Variants in SEMA4B observed in about 807,000 individuals in gnomAD.
SEMA4B encodes semaphorin 4B.
A neutral mutation model predicts 88.1 loss-of-function variants in SEMA4B; 55 were observed. The ratio of observed to expected loss-of-function variants is 0.62; its 90% CI spans 0.50 to 0.78. The LOEUF is 0.78. Ranked by LOEUF, SEMA4B falls within the 30% of genes least tolerant of loss-of-function variation. SEMA4B has a pLI of 0.00. For synonymous variants in SEMA4B, 525 were observed against 473.6 expected (o/e 1.11, Z -1.41); for missense variants, 1,062 against 1,111.9 (o/e 0.96, Z 0.64).
intron 1 of SEMA4B, among the ~76,000 whole-genome samples, chr15:90,202,265 C>T (rs1377535395): frequency 6.6e-6 from 1 of 152,264 alleles, no homozygotes; most frequent in East Asian, 1.9e-4. Flanking sequence ...GAGAGACCTC[C>T]AGGCCCTGGG....
upstream of SEMA4B, among the ~76,000 whole-genome samples, chr15:90,197,174 TC>T (rs1433042899): frequency 6.6e-6 from 1 of 151,868 alleles, no homozygotes; most frequent in African/African-American, 2.4e-5. Context: ...ATCGCTTGAG[TC>T]CAGGAGTTTG....
rs918577251 is a variant in SEMA4B at position 90,201,371 on chromosome 15, G to A, written c.-208G>A. The stretch of plus-strand genomic sequence containing the variant: ...TGCCCAAGCCGAGGCTGCGGGGCCG[G>A]CGCCGGCGGGAGGACTGCGGTGCCC... On this transcript the variant is annotated 5_prime_UTR_variant, in exon 1 of 14. Coordinates refer to ENST00000411539, the MANE Select transcript of SEMA4B (RefSeq NM_198925.4). The A allele has an allele frequency of 8.0e-7, 1 of 1,251,160 alleles. No homozygotes were observed. The highest frequency in any genetic ancestry group is 4.3e-5 in the Admixed American group (1 of 23,016). The allele number at this position is 1,251,160 out of a possible 1,614,324, so 77.5% of individuals were successfully genotyped here.
Position 90,228,065 on chromosome 15 carries a change from G to A in SEMA4B, c.1936G>A (p.Val646Met), listed in dbSNP as rs201185892. The change falls in exon 14 of 14, where the codon GTG becomes ATG. Residue 646 changes from valine (V) to methionine (M), a missense_variant. Coordinates refer to ENST00000411539, the MANE Select transcript of SEMA4B (RefSeq NM_198925.4). ...GCTACCCACTGGGGACCTGCTGCTG[G>A]TGGGCACCCAACAGCTGGGGGAGTT... is the stretch of plus-strand genomic sequence containing the variant. The part of the protein sequence containing the change: ...HVLPTGDLLL[V>M]GTQQLGEFQC... The A allele has an allele frequency of 6.2e-6, 10 of 1,613,694 alleles. No homozygotes were observed. The East Asian group carries it at 2.2e-4, about 36-fold the overall frequency.
chr15:90,228,455 G>A lies in SEMA4B; in HGVS notation c.2326G>A (p.Gly776Arg). ...PPETRPLNGLGPPSTPLDHRG... is the reference protein window; with the variant it reads ...PPETRPLNGLRPPSTPLDHRG... ...TGAGACCCGCCCACTCAACGGCCTA[G>A]GGCCCCCTAGCACCCCGCTCGATCA... is the stretch of plus-strand genomic sequence containing the variant. The change falls in exon 14 of 14, where the codon GGG becomes AGG. Residue 776 changes from glycine to arginine, a missense_variant. Coordinates refer to ENST00000411539, the MANE Select transcript of SEMA4B (RefSeq NM_198925.4). The A allele has an allele frequency of 6.2e-7, 1 of 1,610,356 alleles. No homozygotes were observed. The highest frequency in any genetic ancestry group is 1.3e-5 in the African/African-American group (1 of 74,950).
intron 4 of SEMA4B, among the ~76,000 whole-genome samples, chr15:90,220,515 CCGCCACCA>C (rs1961767254): frequency 6.6e-6 from 1 of 151,618 alleles, no homozygotes; most frequent in Admixed American, 6.6e-5. Context: ...CTACAGGTGC[CCGCCACCA>C]CGCCTGGCTA....
chr15:90,221,147 G>A, intron 5 of SEMA4B, 54 bp downstream of exon 5: 4 of 1,294,972 alleles, frequency 3.1e-6, no homozygotes, highest in Non-Finnish European at 4.4e-6. Context: ...GGGCACACAG[G>A]GCTAGAGGGC....
At chr15:90,209,876 G>A (rs182496240) in intron 1 of SEMA4B, among the ~76,000 whole-genome samples, 29 of 152,276 alleles carry the variant, frequency 1.9e-4, no homozygotes, top group Non-Finnish European at 2.9e-4. Context: ...TCACTTGGTC[G>A]AACCAAGAGG....
In SEMA4B at chr15:90,206,735, G is replaced by A. The variant is rs547931662; in HGVS notation, c.157+5000G>A. The A allele has an allele frequency of 1.5e-4, 115 of 762,676 alleles. No homozygotes were observed. The African/African-American group carries it at 1.7e-3, about 11-fold the overall frequency. 47.2% of individuals were successfully genotyped at this position (762,676 alleles called of 1,614,324 possible). On this transcript the variant is annotated intron_variant, in intron 1 of 13. Coordinates refer to ENST00000411539, the MANE Select transcript of SEMA4B (RefSeq NM_198925.4). ...CCATCTTTGTGTGCTTGCATCCAAC[G>A]GTGATGAGACTGTGTATGTCAAGTT...
intron 1 of SEMA4B, among the ~76,000 whole-genome samples, chr15:90,196,289 A>G (rs1198420740): frequency 5.9e-5 from 9 of 152,112 alleles, no homozygotes; most frequent in Admixed American, 3.3e-4. Flanking sequence ...TCCCATTACT[A>G]TGATGCTACT....
At chr15:90,187,995 A>G (rs1399215263) in intron 1 of SEMA4B, among the ~76,000 whole-genome samples, 2 of 131,418 alleles carry the variant, frequency 1.5e-5, no homozygotes, top group Non-Finnish European at 3.1e-5. Context: ...ACAGAATGAG[A>G]CTCCATCTCA....
Position 90,223,848 on chromosome 15 carries a change from A to C in SEMA4B, c.1054A>C (p.Thr352Pro). The C allele has an allele frequency of 1.2e-6, 2 of 1,613,900 alleles. No individual in the cohort carries two copies. The highest frequency in any genetic ancestry group is 1.7e-6 in the Non-Finnish European group (2 of 1,179,848). ...GVFTSQWHRG[T>P]TEGSAVCVFT... ...TTATTTCCTCTGCAGGCACAGGGGA[A>C]CTACAGAAGGCTCTGCCGTCTGTGT... Residue 352 changes from threonine to proline, a missense_variant, in exon 9 of 14, where the codon ACT becomes CCT. Physicochemically the swap from Thr to Pro is conservative, Grantham distance 38. Coordinates refer to ENST00000411539, the MANE Select transcript of SEMA4B (RefSeq NM_198925.4).
chr15:90,225,204 CAG>C (rs1167144889), intron 10 of SEMA4B, 26 bp downstream of exon 10: 3 of 1,569,772 alleles, frequency 1.9e-6, no homozygotes, highest in African/African-American at 2.7e-5. Context: ...CCAGCAGGCT[CAG>C]GGGAAGGGGT....
rs1381876334 is a variant in SEMA4B at position 90,228,846 on chromosome 15, C to T, written c.*203C>T. On this transcript the variant is annotated 3_prime_UTR_variant, in exon 14 of 14. Transcript: ENST00000411539. The stretch of plus-strand genomic sequence containing the variant: ...CCAGACACCCAAACAGCCGTGGCCC[C>T]AGAGGTCCTGGCCAAATATGGGGGC... The T allele has an allele frequency of 2.9e-6, 2 of 687,494 alleles. No homozygotes were observed. The highest frequency in any genetic ancestry group is 3.6e-5 in the African/African-American group (2 of 55,382). 42.6% of individuals were successfully genotyped at this position (687,494 alleles called of 1,614,324 possible). A position where few individuals can be genotyped will look rare whatever the true frequency, so the allele number is the denominator to read the frequency against.
At chr15:90,220,728 C>T (rs375157564) in intron 4 of SEMA4B, among the ~76,000 whole-genome samples, 175 of 126,666 alleles carry the variant, frequency 1.4e-3, no homozygotes, top group Non-Finnish European at 2.5e-3. Context: ...TAATGTGTCC[C>T]GCGTCGGGTC....
chr15:90,192,392 G>T (rs565431319), intron 1 of SEMA4B, among the ~76,000 whole-genome samples: 2 of 152,344 alleles, frequency 1.3e-5, no homozygotes, highest in African/African-American at 4.8e-5. Context: ...CCTGCATGCA[G>T]CTGGGCAGAG....
At position 90,228,013 on chromosome 15, in the gene SEMA4B, C is replaced by T. The variant is rs776296311; in HGVS notation, c.1884C>T (p.Pro628=). 35 of 1,613,812 alleles carry T rather than the reference C, an allele frequency of 2.2e-5. No individual in the cohort carries two copies. Among genetic ancestry groups the T allele is most frequent in the Middle Eastern group, 1.6e-4 (1 of 6,084 alleles). Residue 628 remains proline (P), a synonymous_variant, in exon 14 of 14, where the codon CCC becomes CCT. Coordinates refer to ENST00000411539, the MANE Select transcript of SEMA4B (RefSeq NM_198925.4). The stretch of plus-strand genomic sequence containing the variant: ...GACTCTGGCTACGCAACGGGGCCCC[C>T]GTCAATGCCTCGGCCTCCTGCCACG... ...ATRLWLRNGA[P]VNASASCHVL...
At position 90,221,381 on chromosome 15, in the gene SEMA4B, AC is replaced by A. The variant is rs1567058452; in HGVS notation, c.611del (p.Thr204MetfsTer125). On this transcript the variant is annotated frameshift_variant, in exon 6 of 14. Coordinates refer to ENST00000411539, the MANE Select transcript of SEMA4B (RefSeq NM_198925.4). LOFTEE classifies it high-confidence loss of function. ...TALVVDGELYTGTVSSFQGND... is the reference protein window; with the variant it reads ...TALVVDGELYXGTVSSFQGND... Reference sequence around the variant, plus strand: ...TTTCTTGGCAGATGGCGAGCTCTACACTGGAACAGTCAGCAGCTTCCAAGGG... The same window carrying A: ...TTTCTTGGCAGATGGCGAGCTCTACATGGAACAGTCAGCAGCTTCCAAGGG... The A allele has an allele frequency of 1.3e-6, 2 of 1,565,772 alleles. No individual in the cohort carries two copies. Among genetic ancestry groups the A allele is most frequent in the Non-Finnish European group, 1.7e-6 (2 of 1,156,202 alleles).
At chr15:90,224,370 C>G (rs150517457) in intron 9 of SEMA4B, among the ~76,000 whole-genome samples, 297 of 152,332 alleles carry the variant, frequency 1.9e-3, no homozygotes, top group Middle Eastern at 0.017. Context: ...AACGGGCTAC[C>G]CTGATAGCAG....
intron 1 of SEMA4B, among the ~76,000 whole-genome samples, chr15:90,216,556 C>A (rs1961541728): frequency 6.6e-6 from 1 of 152,160 alleles, no homozygotes; most frequent in Non-Finnish European, 1.5e-5. Flanking sequence ...TGAAAACACT[C>A]CCATTCTGTG....
Sources: allele counts gnomAD v4.1 joint callset (sites outside exome capture counted in the v4.1 genomes callset), GRCh38; gene constraint gnomAD v4.1.1; transcripts MANE v1.5; gene names NCBI Gene and HGNC (gene_info 2026-07-23, HGNC 2026-07-21).